The following STK33 variants were observed in gnomAD, a reference collection of about 807,000 sequenced individuals.
STK33 encodes serine/threonine-protein kinase 33.
STK33 carries 52 observed loss-of-function variants against 58.0 expected under a neutral mutation model. That is an observed-to-expected ratio of 0.90 (90% CI 0.72 to 1.13). The LOEUF (loss-of-function observed/expected upper bound fraction) is 1.13, where lower values mean the gene tolerates loss of function less well. Among genes scored for constraint, STK33 ranks in the 50% most tolerant of loss-of-function variants. The pLI, the probability that STK33 is intolerant of heterozygous loss-of-function variation, is 0.00. For synonymous variants in STK33, 215 were observed against 200.1 expected (o/e 1.07, Z -0.63); for missense variants, 630 against 604.2 (o/e 1.04, Z -0.45).
chr11:8,344,903 C>T, the STK33 span, among the ~76,000 whole-genome samples: 40,617 of 152,128 alleles, frequency 0.27, 5,653 homozygotes, highest in South Asian at 0.41. Flanking sequence ...CCTTGCCTCC[C>T]TCCCAGTCCC....
chr11:8,449,269 C>A (rs956041672), intron 11 of STK33, among the ~76,000 whole-genome samples: 3 of 151,516 alleles, frequency 2.0e-5, no homozygotes, highest in East Asian at 1.9e-4. Context: ...TTGACCCAGC[C>A]ATCCCATTAC....
the STK33 span, among the ~76,000 whole-genome samples, chr11:8,382,344 G>A: frequency 1.3e-5 from 2 of 152,312 alleles, no homozygotes; most frequent in South Asian, 2.1e-4. Context: ...CAGAAGCCCT[G>A]GAAATGAAAG....
At chr11:8,435,982 G>T in intron 13 of STK33, 45 bp downstream of exon 13, 1 of 1,181,018 alleles carries the variant, frequency 8.5e-7, no homozygotes, top group Non-Finnish European at 1.2e-6. Context: ...ACTTTCTTAT[G>T]TTACTTATAT....
At chr11:8,452,964 C>G (rs1465202822) in intron 10 of STK33, 58 bp from the exon 11 acceptor site, 1 of 1,439,838 alleles carries the variant, frequency 6.9e-7, no homozygotes, top group East Asian at 2.3e-5. Context: ...CTCACTCATT[C>G]TGAAGATAAG....
intron 13 of STK33, among the ~76,000 whole-genome samples, chr11:8,435,783 A>G (rs188977582): frequency 8.0e-4 from 122 of 152,358 alleles, no homozygotes; most frequent in Middle Eastern, 3.4e-3. Flanking sequence ...TTAATGGTCT[A>G]TAGTAAACAT....
At chr11:8,508,571 T>C (rs1952055432) in intron 1 of STK33, among the ~76,000 whole-genome samples, 1 of 152,132 alleles carries the variant, frequency 6.6e-6, no homozygotes, top group South Asian at 2.1e-4. Context: ...GTGCCTGGCC[T>C]TACCTTTTCT....
rs924764264 is a variant in STK33 at position 8,489,173 on chromosome 11, C to G, written c.-465-8559G>C. 4.1e-5 allele frequency among the ~76,000 whole-genome samples: 6 copies of G among 146,140 alleles called. No individual in the cohort carries two copies. In the Admixed American group the frequency reaches 4.3e-4, roughly 10 times the overall value. ...TTGGGAGACTAAGGTGGGAGGATTA[C>G]TTGAGCTCAGGAGTTTGAGGCTTCA... On this transcript the variant is annotated intron_variant, in intron 1 of 15. Transcript: ENST00000687296.
At chr11:8,582,561 G>C (rs10840078) in intron 1 of STK33, among the ~76,000 whole-genome samples, 8,773 of 152,174 alleles carry the variant, frequency 0.058, 460 homozygotes, top group African/African-American at 0.15. Flanking sequence ...TCAGTCTCAC[G>C]AGAACAGCAT....
chr11:8,405,828 G>A (rs766815278), intron 15 of STK33, among the ~76,000 whole-genome samples: 1 of 151,986 alleles, frequency 6.6e-6, no homozygotes, highest in Non-Finnish European at 1.5e-5. Context: ...CCTTCGAATT[G>A]CTTTGAAATC....
chr11:8,359,956 C>T, the STK33 span, among the ~76,000 whole-genome samples: 1 of 152,214 alleles, frequency 6.6e-6, no homozygotes, highest in Admixed American at 6.5e-5. Context: ...TGCAGACACA[C>T]CCAGGGTGGT....
intron 1 of STK33, among the ~76,000 whole-genome samples, chr11:8,491,269 A>T (rs1438138341): frequency 6.6e-6 from 1 of 152,230 alleles, no homozygotes; most frequent in Non-Finnish European, 1.5e-5. Flanking sequence ...GGAGCTGAAA[A>T]CCATGGCGCA....
At chr11:8,345,180 C>T in the STK33 span, among the ~76,000 whole-genome samples, 48 of 152,300 alleles carry the variant, frequency 3.2e-4, no homozygotes, top group Non-Finnish European at 5.9e-5. Flanking sequence ...TGAGAGGCCC[C>T]GCAGAGTCCG....
chr11:8,549,178 T>C (rs1052787521), intron 1 of STK33, among the ~76,000 whole-genome samples: 2 of 152,210 alleles, frequency 1.3e-5, no homozygotes, highest in African/African-American at 4.8e-5. Context: ...GTTTTTATCA[T>C]GAAGGGATGT....
At chr11:8,396,275 T>C (rs1590709097) in intron 15 of STK33, among the ~76,000 whole-genome samples, 2 of 152,318 alleles carry the variant, frequency 1.3e-5, no homozygotes, top group Non-Finnish European at 2.9e-5. Context: ...AGCTAATTTT[T>C]GTATTTTTAG....
chr11:8,453,074 T>C (rs1381290610), intron 10 of STK33, among the ~76,000 whole-genome samples, 168 bp from the exon 11 acceptor site: 1 of 152,194 alleles, frequency 6.6e-6, no homozygotes, highest in Admixed American at 6.5e-5. Context: ...CCCACCCACC[T>C]CTCTGTATAG....
intron 1 of STK33, among the ~76,000 whole-genome samples, chr11:8,569,133 T>C (rs529852979): frequency 1.3e-5 from 2 of 152,300 alleles, no homozygotes; most frequent in East Asian, 1.9e-4. Flanking sequence ...GCACAGTTTA[T>C]AGAAATTGGC....
chr11:8,349,232 G>A, the STK33 span, among the ~76,000 whole-genome samples: 1 of 152,316 alleles, frequency 6.6e-6, no homozygotes, highest in African/African-American at 2.4e-5. Flanking sequence ...TAGGACTGTT[G>A]TATTAAATAA....
intron 10 of STK33, among the ~76,000 whole-genome samples, 182 bp from the exon 11 acceptor site, chr11:8,453,088 A>C (rs1397953692): frequency 1.3e-5 from 2 of 152,342 alleles, no homozygotes; most frequent in East Asian, 3.9e-4. Context: ...TGTATAGAGG[A>C]GAAACTGGGT....
chr11:8,562,852 A>G (rs561932381), intron 1 of STK33, among the ~76,000 whole-genome samples: 1 of 152,358 alleles, frequency 6.6e-6, no homozygotes, highest in East Asian at 1.9e-4. Flanking sequence ...AAGAAGACAG[A>G]AATAGTTCCT....
Sources: allele counts gnomAD v4.1 joint callset (sites outside exome capture counted in the v4.1 genomes callset), GRCh38; gene constraint gnomAD v4.1.1; transcripts MANE v1.5; gene names NCBI Gene and HGNC (gene_info 2026-07-23, HGNC 2026-07-21).